CTNNA3: variants seen among roughly 807,000 people sequenced by gnomAD.
CTNNA3 encodes catenin alpha-3.
In CTNNA3, 76 loss-of-function variants were observed where a neutral mutation model predicts 95.7. That is an observed-to-expected ratio of 0.79 (90% CI 0.66 to 0.96). CTNNA3 has a LOEUF of 0.96. Among genes scored for constraint, CTNNA3 ranks in the 40% least tolerant of loss-of-function variants. The probability of loss-of-function intolerance (pLI) is 0.00; values close to 1 mark genes in which losing one functional copy is unlikely to be tolerated. For missense variants in CTNNA3, 1,191 were observed against 1,089.8 expected, an observed-to-expected ratio of 1.09 and a Z score of -1.31; for synonymous variants, 431 against 374.4, an observed-to-expected ratio of 1.15 and a Z score of -1.74.
chr10:66,592,719 C>T (rs141633638), intron 10 of CTNNA3, among the ~76,000 whole-genome samples: 2 of 152,086 alleles, frequency 1.3e-5, no homozygotes, highest in Non-Finnish European at 2.9e-5. Flanking sequence ...GGTTTTAAAA[C>T]AATAAAAGGA....
chr10:66,786,263 GT>G (rs960994792), intron 7 of CTNNA3, among the ~76,000 whole-genome samples: 12 of 151,004 alleles, frequency 7.9e-5, no homozygotes, highest in East Asian at 5.8e-4. Context: ...TTGGGGCACT[GT>G]TTTTTTTTCT....
chr10:67,615,657 C>CTTTTTTTTTTTTTTT (rs746378840), intron 2 of CTNNA3, among the ~76,000 whole-genome samples: 1 of 102,168 alleles, frequency 9.8e-6, no homozygotes. Context: ...GGCAGGTATT[C>CTTTTTTTTTTTTTTT]TTTTTTTTTT....
intron 17 of CTNNA3, among the ~76,000 whole-genome samples, chr10:65,959,321 C>T (rs1485280104): frequency 1.3e-5 from 2 of 152,166 alleles, no homozygotes; most frequent in African/African-American, 4.8e-5. Context: ...AAAGGGAATT[C>T]CCCGACCCCT....
At chr10:66,769,906 C>T (rs922425262) in intron 8 of CTNNA3, among the ~76,000 whole-genome samples, 3 of 152,184 alleles carry the variant, frequency 2.0e-5, no homozygotes, top group Admixed American at 1.3e-4. Flanking sequence ...GGAATCACCT[C>T]CTAAATAAAT....
intron 16 of CTNNA3, among the ~76,000 whole-genome samples, chr10:65,970,688 G>A (rs1319953126): frequency 2.0e-5 from 3 of 146,924 alleles, no homozygotes; most frequent in Non-Finnish European, 4.5e-5. Context: ...TAACATATTA[G>A]GTAAAATATA....
At chr10:66,952,008 C>G (rs1308809420) in intron 7 of CTNNA3, among the ~76,000 whole-genome samples, 1 of 152,202 alleles carries the variant, frequency 6.6e-6, no homozygotes, top group Non-Finnish European at 1.5e-5. Context: ...GACAAATTGG[C>G]TGGCTTTCCT....
At chr10:66,809,489 C>T (rs960814046) in intron 7 of CTNNA3, among the ~76,000 whole-genome samples, 1 of 151,936 alleles carries the variant, frequency 6.6e-6, no homozygotes, top group Admixed American at 6.6e-5. Context: ...ACAAAATATT[C>T]ATTTTTGTTC....
chr10:67,289,607 A>C (rs990808789), intron 5 of CTNNA3, among the ~76,000 whole-genome samples: 1 of 152,166 alleles, frequency 6.6e-6, no homozygotes, highest in Non-Finnish European at 1.5e-5. Context: ...TAATCATCTA[A>C]AACATGTTCA....
In CTNNA3 at chr10:66,508,286, C is replaced by T. The variant is rs575207398; in HGVS notation, c.1531+12331G>A. On this transcript the variant is annotated intron_variant, in intron 11 of 17. Coordinates refer to ENST00000433211, the MANE Select transcript of CTNNA3 (RefSeq NM_013266.4). ...GGCTGGGACCTTTGTCCAGCCTGCA[C>T]GGTAGAGTGAGGCTGCCTCTCCCAC... Among the ~76,000 whole-genome samples the T allele has an allele frequency of 4.7e-5, 7 of 149,360 alleles. No homozygotes were observed. The South Asian group carries it at 6.3e-4, about 14-fold the overall frequency.
chr10:66,001,634 CACA>C (rs1259461587), intron 15 of CTNNA3, among the ~76,000 whole-genome samples: 1 of 152,224 alleles, frequency 6.6e-6, no homozygotes, highest in South Asian at 2.1e-4. Context: ...AAATGTTTTA[CACA>C]ACATTTGACA....
At chr10:67,486,628 C>G (rs1249419933) in intron 5 of CTNNA3, among the ~76,000 whole-genome samples, 1 of 152,024 alleles carries the variant, frequency 6.6e-6, no homozygotes, top group Non-Finnish European at 1.5e-5. Flanking sequence ...TCAAGGATTA[C>G]AGGAAATAAT....
chr10:66,533,727 C>T (rs1451275849), intron 10 of CTNNA3, among the ~76,000 whole-genome samples: 1 of 152,048 alleles, frequency 6.6e-6, no homozygotes, highest in Non-Finnish European at 1.5e-5. Flanking sequence ...CCCAAGTGAT[C>T]AAGTCTATCC....
At chr10:66,342,416 G>A (rs1220923225) in intron 12 of CTNNA3, among the ~76,000 whole-genome samples, 2 of 151,940 alleles carry the variant, frequency 1.3e-5, no homozygotes, top group Non-Finnish European at 2.9e-5. Context: ...AGCATTCCAA[G>A]TCACACATAT....
intron 7 of CTNNA3, among the ~76,000 whole-genome samples, chr10:66,838,620 T>C (rs1470825923): frequency 6.6e-6 from 1 of 152,124 alleles, no homozygotes; most frequent in South Asian, 2.1e-4. Context: ...ATATGTATAA[T>C]ACATTTGCCC....
chr10:67,393,539 A>T (rs919596565), intron 5 of CTNNA3, among the ~76,000 whole-genome samples: 5 of 152,288 alleles, frequency 3.3e-5, no homozygotes, highest in African/African-American at 7.2e-5. Context: ...GGGAAAAAAA[A>T]TTAGAATGTA....
At chr10:66,805,465 T>C (rs1841601652) in intron 7 of CTNNA3, among the ~76,000 whole-genome samples, 2 of 150,058 alleles carry the variant, frequency 1.3e-5, no homozygotes, top group Non-Finnish European at 3.0e-5. Flanking sequence ...TTTCTGTCTC[T>C]AGATTCCATA....
rs2085333062 is a variant in CTNNA3, at chr10:66,169,984, GCTGA to G, written c.1885-66739_1885-66736del. Among the ~76,000 whole-genome samples the G allele has an allele frequency of 2.6e-5, 4 of 152,030 alleles. No individual in the cohort carries two copies. In the South Asian group the frequency reaches 6.2e-4, roughly 24 times the overall value. The stretch of plus-strand genomic sequence containing the variant: ...ACTCTGTGGGTTGTTTATTTACTCT[GCTGA>G]CTATTTCTTTTTCTGTGCAAAAGCC... On this transcript the variant is annotated intron_variant, in intron 13 of 17. Transcript: ENST00000433211.
intron 7 of CTNNA3, among the ~76,000 whole-genome samples, chr10:66,866,429 G>A (rs1844181862): frequency 6.6e-6 from 1 of 152,152 alleles, no homozygotes; most frequent in East Asian, 1.9e-4. Context: ...TAGCTTTTTG[G>A]AGGCTTTTAT....
intron 5 of CTNNA3, among the ~76,000 whole-genome samples, chr10:67,422,401 A>C (rs1845776185): frequency 6.6e-6 from 1 of 152,210 alleles, no homozygotes; most frequent in Non-Finnish European, 1.5e-5. Context: ...AATGATATAC[A>C]TTGTAAACAA....
Sources: allele counts gnomAD v4.1 joint callset (sites outside exome capture counted in the v4.1 genomes callset), GRCh38; gene constraint gnomAD v4.1.1; transcripts MANE v1.5; gene names NCBI Gene and HGNC (gene_info 2026-07-23, HGNC 2026-07-21).